The following PPIP5K1 variants were observed in gnomAD, a reference collection of about 807,000 sequenced individuals.
PPIP5K1 encodes the protein inositol hexakisphosphate and diphosphoinositol-pentakisphosphate kinase 1.
A neutral mutation model predicts 27.7 loss-of-function variants in PPIP5K1; 6 were observed. The observed-to-expected ratio is 0.22, with a 90% CI of 0.12 to 0.43. The LOEUF (loss-of-function observed/expected upper bound fraction) is 0.43. Ranked by LOEUF, PPIP5K1 falls within the 20% of genes least tolerant of loss-of-function variation. The pLI, the probability that PPIP5K1 is intolerant of heterozygous loss-of-function variation, is 1.00. For synonymous variants in PPIP5K1, 145 were observed against 242.6 expected (o/e 0.60, Z 3.74); for missense variants, 394 against 635.4 (o/e 0.62, Z 4.08).
At chr15:43,558,707 C>T in intron 30 of PPIP5K1, 88 bp downstream of exon 30, 1 of 1,548,094 alleles carries the variant, frequency 6.5e-7, no homozygotes, top group South Asian at 1.1e-5. Context: ...GATTGCCTAA[C>T]TAGCTTTCTA....
intron 30 of PPIP5K1, among the ~76,000 whole-genome samples, chr15:43,556,428 G>GGAGT (rs1168795815): frequency 1.3e-5 from 2 of 151,526 alleles, no homozygotes; most frequent in Non-Finnish European, 2.9e-5. Context: ...CCCAAGGTCA[G>GGAGT]GAGTCCAAGA....
intron 31 of PPIP5K1, among the ~76,000 whole-genome samples, chr15:43,538,913 A>G (rs1595701168): frequency 1.3e-5 from 2 of 152,336 alleles, no homozygotes; most frequent in Middle Eastern, 6.8e-3. Context: ...TGAAGTCTCC[A>G]TTCTTTCTTC....
rs1217202104 is a variant in PPIP5K1, at chr15:43,533,536, C to G, written c.*1138G>C. ...TTCCAGCCCCCGACTCCAATGACCGCATTACCCCTCCTACCCACTCCCATT... is the reference window on the plus strand; with the variant it reads ...TTCCAGCCCCCGACTCCAATGACCGGATTACCCCTCCTACCCACTCCCATT... On this transcript the variant is annotated 3_prime_UTR_variant, in exon 32 of 32. Transcript: ENST00000420765. 2 of 152,444 alleles carry G rather than the reference C, an allele frequency of 1.3e-5. No individual in the cohort carries two copies. The highest frequency in any genetic ancestry group is 2.9e-5 in the Non-Finnish European group (2 of 68,010). 9.4% of individuals were successfully genotyped at this position (152,444 alleles called of 1,614,324 possible). A position where few individuals can be genotyped will look rare whatever the true frequency, so the allele number is the denominator to read the frequency against.
intron 30 of PPIP5K1, among the ~76,000 whole-genome samples, chr15:43,557,459 T>C (rs920746686): frequency 2.0e-5 from 3 of 151,918 alleles, no homozygotes; most frequent in Non-Finnish European, 4.4e-5. Flanking sequence ...AAAAAAGTCT[T>C]TGTGTCACAC....
chr15:43,542,762 G>GCCTCAAA (rs1328279087), intron 30 of PPIP5K1, among the ~76,000 whole-genome samples: 1 of 150,604 alleles, frequency 6.6e-6, no homozygotes. Context: ...GTTCACTGCA[G>GCCTCAAA]CCTCAAACTC....
rs1288335468 is a variant in PPIP5K1, at chr15:43,558,799, A to T, written c.3552T>A (p.Ser1184=). 2 of 1,614,014 alleles carry T rather than the reference A, an allele frequency of 1.2e-6. No homozygotes were observed. ...AAAAAATAAGAATATCCCTACCTGC[A>T]GATGCCTGTGCCTGGGCATCAGTGT... ...QRHTDAQAQA[S]AALFDSMHSS... Residue 1184 remains serine, a synonymous_variant, in exon 30 of 32, where the codon TCT becomes TCA. Coordinates refer to ENST00000420765, the MANE Select transcript of PPIP5K1 (RefSeq NM_001394395.1).
chr15:43,556,730 T>A (rs577732993), intron 30 of PPIP5K1, among the ~76,000 whole-genome samples: 2 of 152,172 alleles, frequency 1.3e-5, no homozygotes, highest in Non-Finnish European at 2.9e-5. Flanking sequence ...AGAAAATTCT[T>A]TGAGAATAAG....
intron 30 of PPIP5K1, among the ~76,000 whole-genome samples, chr15:43,540,578 T>A (rs1285984624): frequency 6.6e-6 from 1 of 151,840 alleles, no homozygotes; most frequent in Non-Finnish European, 1.5e-5. Flanking sequence ...ATGCCTGTAA[T>A]CCCAGCTATT....
chr15:43,559,288 A>G (rs2083468315), intron 29 of PPIP5K1, among the ~76,000 whole-genome samples: 1 of 152,214 alleles, frequency 6.6e-6, no homozygotes. Context: ...ATCCAGAGGT[A>G]AGGGGTGAAA....
intron 30 of PPIP5K1, chr15:43,548,372 G>T (rs1480956381): frequency 2.0e-5 from 3 of 148,666 alleles, no homozygotes; most frequent in South Asian, 4.3e-4. Context: ...CTCCCAAAGT[G>T]TTGGGATTAC....
intron 30 of PPIP5K1, among the ~76,000 whole-genome samples, chr15:43,554,003 T>G (rs955370361): frequency 5.3e-5 from 8 of 152,120 alleles, no homozygotes; most frequent in Non-Finnish European, 8.8e-5. Context: ...GAGTATTGGC[T>G]GGGCACAGTG....
chr15:43,559,890 T>C (rs1423362030), intron 29 of PPIP5K1, among the ~76,000 whole-genome samples: 1 of 151,050 alleles, frequency 6.6e-6, no homozygotes, highest in African/African-American at 2.5e-5. Flanking sequence ...GACAACGAAG[T>C]CTATGCAAGA....
At position 43,534,738 on chromosome 15, in the gene PPIP5K1, G is replaced by A. The variant is rs769091695; in HGVS notation, c.4409C>T (p.Pro1470Leu). Reference sequence around the variant, plus strand: ...AATCTCCTCAGGGAACTCTTGGGATGGTTTATCAATCTCAGGGATGCCCTG... The same window carrying A: ...AATCTCCTCAGGGAACTCTTGGGATAGTTTATCAATCTCAGGGATGCCCTG... ...LSQGIPEIDKPSQEFPEEIDL... is the reference protein window; with the variant it reads ...LSQGIPEIDKLSQEFPEEIDL... The change falls in exon 32 of 32, where the codon CCA becomes CTA. Residue 1470 changes from proline (P) to leucine (L), a missense_variant. By Grantham distance (98) the Pro-to-Leu change is moderately conservative. Around this residue, in one of 4 missense-constraint regions of PPIP5K1, gnomAD observed 379 missense variants for 423.9 expected, o/e 0.89. Transcript: ENST00000420765. The A allele has an allele frequency of 1.3e-6, 2 of 1,546,644 alleles. No individual in the cohort carries two copies. The highest frequency in any genetic ancestry group is 2.3e-5 in the East Asian group (1 of 44,438).
chr15:43,542,632 T>G (rs1331761572), intron 30 of PPIP5K1, among the ~76,000 whole-genome samples: 1 of 151,020 alleles, frequency 6.6e-6, no homozygotes, highest in Non-Finnish European at 1.5e-5. Flanking sequence ...TTGTGGATTT[T>G]TATTATATAT....
chr15:43,536,637 G>C (rs2079902608), intron 31 of PPIP5K1, among the ~76,000 whole-genome samples: 1 of 152,126 alleles, frequency 6.6e-6, no homozygotes, highest in South Asian at 2.1e-4. Context: ...TATGGATCCA[G>C]AGTTAAGACG....
In PPIP5K1 at chr15:43,534,148, C is replaced by G. The variant is rs1464787781; in HGVS notation, c.*526G>C. On this transcript the variant is annotated 3_prime_UTR_variant, in exon 32 of 32. Transcript: ENST00000420765. ...ATGGTCTAAGCGTACCTTGAGAAGTCGTGAACATTTCCCCAGAAAAGTGAA... is the reference window on the plus strand; with the variant it reads ...ATGGTCTAAGCGTACCTTGAGAAGTGGTGAACATTTCCCCAGAAAAGTGAA... 6.5e-6 allele frequency: 1 copy of G among 152,938 alleles called. No individual in the cohort carries two copies. The highest frequency in any genetic ancestry group is 2.1e-4 in the South Asian group (1 of 4,828). 9.5% of individuals were successfully genotyped at this position (152,938 alleles called of 1,614,324 possible).
chr15:43,542,239 G>C (rs1252031580), intron 30 of PPIP5K1, among the ~76,000 whole-genome samples: 2 of 150,272 alleles, frequency 1.3e-5, no homozygotes, highest in Non-Finnish European at 2.9e-5. Flanking sequence ...TAGAGAGTTA[G>C]TGAAAAATAT....
chr15:43,558,770 G>C (rs1260471039), intron 30 of PPIP5K1, 25 bp downstream of exon 30: 4 of 1,612,236 alleles, frequency 2.5e-6, no homozygotes, highest in East Asian at 2.2e-5. Flanking sequence ...CAGAGAGAAG[G>C]GTAAAAAAAT....
Position 43,535,253 on chromosome 15 carries a change from C to T in PPIP5K1, c.3894G>A (p.Gln1298=). The change falls in exon 32 of 32, where the codon CAG becomes CAA. Residue 1298 remains glutamine (Q), a synonymous_variant. Coordinates refer to ENST00000420765, the MANE Select transcript of PPIP5K1 (RefSeq NM_001394395.1). ...QELFEPNQSP[Q]VPPMETSQPY... is the part of the protein sequence containing the mutation. ...GCTGGCTGGTTTCCATAGGTGGCAC[C>T]TGTGGGGACTGATTTGGTTCAAAAA... 1.1e-5 allele frequency: 17 copies of T among 1,614,176 alleles called. No homozygotes were observed. Among genetic ancestry groups the T allele is most frequent in the East Asian group, 2.2e-5 (1 of 44,876 alleles).
Sources: gnomAD v4.1 joint callset for allele counts (sites outside exome capture counted in the v4.1 genomes callset) on GRCh38, gnomAD v4.1.1 for gene constraint, gnomAD v4.1.1 regional missense constraint, MANE v1.5 for transcripts, NCBI Gene and HGNC (gene_info 2026-07-23, HGNC 2026-07-21) for gene names.